SV2B: variants seen among roughly 807,000 people sequenced by gnomAD.
SV2B encodes solute carrier family 22 member B2.
SV2B carries 41 observed loss-of-function variants against 73.9 expected under a neutral mutation model. That is an observed-to-expected ratio of 0.56 (90% CI 0.43 to 0.72). The LOEUF (loss-of-function observed/expected upper bound fraction) is 0.72, where lower values mean the gene tolerates loss of function less well. Among genes scored for constraint, SV2B ranks in the 30% least tolerant of loss-of-function variants. The pLI, the probability that SV2B is intolerant of heterozygous loss-of-function variation, is 0.00. For synonymous variants in SV2B, 314 were observed against 314.2 expected (o/e 1.00, Z 0.01); for missense variants, 764 against 857.8 (o/e 0.89, Z 1.37).
chr15:91,197,772 G>A lies in SV2B; in HGVS notation c.-391-28101G>A, dbSNP rs535596405. On this transcript the variant is annotated intron_variant, in intron 1 of 12. Coordinates refer to ENST00000394232, the MANE Select transcript of SV2B (RefSeq NM_001323032.3). This position sits in a 1 kb window ranked among gnomAD's most constrained non-coding sequence, Gnocchi z 4.9. ...TATGCAGCCAGGCCCGGTGGCCCAC[G>A]CCTGTAATCCCAGCACTTTGGGAGG... is the stretch of plus-strand genomic sequence containing the variant. Among the ~76,000 whole-genome samples the A allele has an allele frequency of 7.9e-5, 12 of 151,958 alleles. No homozygotes were observed. The highest frequency in any genetic ancestry group is 2.0e-4 in the Admixed American group (3 of 15,258).
In SV2B at chr15:91,266,658, G is replaced by A. The variant is rs146788122; in HGVS notation, c.1085G>A (p.Arg362His). Residue 362 changes from arginine to histidine, a missense_variant, in exon 7 of 13, where the codon CGC becomes CAC. By Grantham distance (29) the Arg-to-His change is conservative (BLOSUM62 0). Coordinates refer to ENST00000394232, the MANE Select transcript of SV2B (RefSeq NM_001323032.3). The stretch of plus-strand genomic sequence containing the variant: ...AGTTCAACAGGAACCTGGTACCAGC[G>A]CTGGCTGGTCAGATTCAAGACCATT... The part of the protein sequence containing the change: ...IQSSTGTWYQ[R>H]WLVRFKTIFK... 9.4e-5 allele frequency: 151 copies of A among 1,613,994 alleles called. No individual in the cohort carries two copies. In the Admixed American group the frequency reaches 2.4e-3, roughly 25 times the overall value.
intron 1 of SV2B, among the ~76,000 whole-genome samples, chr15:91,161,234 T>G (rs1019196269): frequency 3.3e-5 from 5 of 152,132 alleles, no homozygotes; most frequent in African/African-American, 1.2e-4. Context: ...GATGATTGTA[T>G]AACTGTATAA....
chr15:91,249,769 A>C (rs1361890452), intron 2 of SV2B, among the ~76,000 whole-genome samples: 1 of 152,240 alleles, frequency 6.6e-6, no homozygotes, highest in South Asian at 2.1e-4. Context: ...TCTGGAAGAA[A>C]TGCATACATT....
In SV2B at chr15:91,288,258, A is replaced by G. The variant is rs959794489; in HGVS notation, c.1709-1263A>G. 1.3e-5 allele frequency among the ~76,000 whole-genome samples: 2 copies of G among 152,124 alleles called. No homozygotes were observed. Among genetic ancestry groups the G allele is most frequent in the African/African-American group, 4.8e-5 (2 of 41,398 alleles). ...CCATGAGAATGGATTTTTTTAAAAA[A>G]TTATTTTTTTATTTTTAATGGATAA... On this transcript the variant is annotated intron_variant, in intron 11 of 12. Transcript: ENST00000394232. The surrounding 1 kb of genome is among the most constrained non-coding windows in gnomAD (Gnocchi z 5.8).
chr15:91,175,714 TA>T (rs2044280351), intron 1 of SV2B, among the ~76,000 whole-genome samples: 1 of 151,644 alleles, frequency 6.6e-6, no homozygotes, highest in Non-Finnish European at 1.5e-5. Flanking sequence ...TATATATATA[TA>T]TATACATATA....
Position 91,273,521 on chromosome 15 carries a change from T to C in SV2B, c.1373+4916T>C, listed in dbSNP as rs143470342. Among the ~76,000 whole-genome samples the C allele has an allele frequency of 2.0e-3, 307 of 152,330 alleles. 1 individual carries two copies. Among genetic ancestry groups the C allele is most frequent in the African/African-American group, 6.9e-3 (285 of 41,576 alleles). On this transcript the variant is annotated intron_variant, in intron 9 of 12. Coordinates refer to ENST00000394232, the MANE Select transcript of SV2B (RefSeq NM_001323032.3). ...CCCTGTCAAACATGTGCACATGTTG[T>C]AGCAAATAAATAAGACCCCTGTTGA...
chr15:91,198,566 A>G (rs150749821), intron 1 of SV2B, among the ~76,000 whole-genome samples: 1 of 151,924 alleles, frequency 6.6e-6, no homozygotes, highest in Non-Finnish European at 1.5e-5. Context: ...TTACGTTTGT[A>G]CCAGAAACCT....
intron 6 of SV2B, among the ~76,000 whole-genome samples, chr15:91,264,785 A>G (rs942727091): frequency 4.6e-5 from 7 of 152,076 alleles, no homozygotes; most frequent in African/African-American, 9.7e-5. Flanking sequence ...GTGGGAGTGC[A>G]CCCGGAGGAA....
In SV2B at chr15:91,292,510, T is replaced by A. The variant is rs201488846; in HGVS notation, c.2010T>A (p.Ile670=). ...AAASLVGGGL[I]ALRLPETREQ... is the part of the protein sequence containing the mutation. ...CTTCTCTGGTTGGGGGTGGCCTGATTGCCCTTCGACTGCCAGAGACTCGAG... is the reference window on the plus strand; with the variant it reads ...CTTCTCTGGTTGGGGGTGGCCTGATAGCCCTTCGACTGCCAGAGACTCGAG... Residue 670 remains isoleucine, a synonymous_variant, in exon 13 of 13, where the codon ATT becomes ATA. Coordinates refer to ENST00000394232, the MANE Select transcript of SV2B (RefSeq NM_001323032.3). 1 of 1,614,112 alleles carries A rather than the reference T, an allele frequency of 6.2e-7. No individual in the cohort carries two copies. The highest frequency in any genetic ancestry group is 1.3e-5 in the African/African-American group (1 of 75,026).
intron 1 of SV2B, among the ~76,000 whole-genome samples, chr15:91,191,997 A>G (rs1332759443): frequency 2.0e-5 from 3 of 151,990 alleles, no homozygotes; most frequent in African/African-American, 7.3e-5. Flanking sequence ...TTACCCTTAG[A>G]TTCCAGATCT....
At position 91,239,486 on chromosome 15, in the gene SV2B, C is replaced by T. The variant is rs967650714; in HGVS notation, c.452-12333C>T. ...GAAGGAGACCTCCTAGCATGCCCTT[C>T]GTTTCTGACTTGAAGAAACTGAGCC... On this transcript the variant is annotated intron_variant, in intron 2 of 12. Transcript: ENST00000394232. The surrounding 1 kb of genome is among the most constrained non-coding windows in gnomAD (Gnocchi z 5.1). Among the ~76,000 whole-genome samples the T allele has an allele frequency of 3.9e-5, 6 of 152,046 alleles. No individual in the cohort carries two copies. Among genetic ancestry groups the T allele is most frequent in the South Asian group, 4.2e-4 (2 of 4,802 alleles).
At chr15:91,146,973 AG>A (rs775125023) in intron 1 of SV2B, among the ~76,000 whole-genome samples, 12 of 152,192 alleles carry the variant, frequency 7.9e-5, no homozygotes, top group Non-Finnish European at 1.3e-4. Flanking sequence ...ATGTTTGCAA[AG>A]CTTCTGAGCC....
At chr15:91,216,886 CTTTTTTTTT>C (rs557223668) in intron 1 of SV2B, among the ~76,000 whole-genome samples, 1 of 126,590 alleles carries the variant, frequency 7.9e-6, no homozygotes, top group African/African-American at 3.2e-5. Flanking sequence ...GAATAACTAC[CTTTTTTTTT>C]TTTTTTTTTT....
At position 91,252,548 on chromosome 15, in the gene SV2B, G is replaced by A; in HGVS notation, c.784+28G>A. The A allele has an allele frequency of 6.4e-7, 1 of 1,560,864 alleles. No individual in the cohort carries two copies. Among genetic ancestry groups the A allele is most frequent in the Admixed American group, 1.9e-5 (1 of 51,834 alleles). ...GAGTCATGGCTCCAAACAGCCTAGG[G>A]GGCCCTGTTTCTATGGCTCCTGCAC... On this transcript the variant is annotated intron_variant, in intron 4 of 12. Coordinates refer to ENST00000394232, the MANE Select transcript of SV2B (RefSeq NM_001323032.3). The surrounding 1 kb of genome is among the most constrained non-coding windows in gnomAD (Gnocchi z 4.6).
chr15:91,270,819 ATGGTGAATCCTGTGGATGATGG>A (rs2048271985), intron 9 of SV2B, among the ~76,000 whole-genome samples: 2 of 107,138 alleles, frequency 1.9e-5, no homozygotes, highest in African/African-American at 3.7e-5. Context: ...TGATGGGGGG[ATGGTGAATCCTGTGGATGATGG>A]GGGGACGGTG....
chr15:91,251,403 C>G (rs746648208), intron 2 of SV2B, among the ~76,000 whole-genome samples: 2 of 152,218 alleles, frequency 1.3e-5, no homozygotes, highest in Non-Finnish European at 2.9e-5. Flanking sequence ...TCACTTCTAC[C>G]GTGTTCTTCC....
intron 6 of SV2B, among the ~76,000 whole-genome samples, chr15:91,264,740 C>G (rs1326217002): frequency 2.0e-5 from 3 of 152,088 alleles, no homozygotes; most frequent in Admixed American, 6.5e-5. Context: ...ACACAAAAGC[C>G]TTTTACAACA....
Position 91,136,348 on chromosome 15 carries a change from A to C in SV2B, c.-392+35985A>C, listed in dbSNP as rs1194584358. Among the ~76,000 whole-genome samples, 6 of 152,266 alleles carry C rather than the reference A, an allele frequency of 3.9e-5. No individual in the cohort carries two copies. In the East Asian group the frequency reaches 9.7e-4, roughly 25 times the overall value. On this transcript the variant is annotated intron_variant, in intron 1 of 12. Coordinates refer to ENST00000394232, the MANE Select transcript of SV2B (RefSeq NM_001323032.3). This position sits in a 1 kb window ranked among gnomAD's most constrained non-coding sequence, Gnocchi z 5.6. ...TTGATGTAGGGTTGATGCATCTGAC[A>C]GCCAGAATGTAAGGGGTCAGTTTGT...
intron 9 of SV2B, among the ~76,000 whole-genome samples, chr15:91,276,933 G>A (rs988390578): frequency 2.6e-5 from 4 of 151,810 alleles, no homozygotes; most frequent in African/African-American, 9.7e-5. Flanking sequence ...TGATTCTGCT[G>A]CCTCAGCCTC....
Sources: allele counts gnomAD v4.1 joint callset (sites outside exome capture counted in the v4.1 genomes callset), GRCh38; gene constraint gnomAD v4.1.1; non-coding constraint Gnocchi (gnomAD v3.1); transcripts MANE v1.5; gene names NCBI Gene and HGNC (gene_info 2026-07-23, HGNC 2026-07-21).